ADAMTS16: variants seen among roughly 807,000 people sequenced by gnomAD.
The protein encoded by ADAMTS16 is A disintegrin and metalloproteinase with thrombospondin motifs 16.
A neutral mutation model predicts 145.8 loss-of-function variants in ADAMTS16; 94 were observed. That is an observed-to-expected ratio of 0.64 (90% CI 0.55 to 0.77). ADAMTS16 has a LOEUF of 0.77. Among genes scored for constraint, ADAMTS16 ranks in the 30% least tolerant of loss-of-function variants. The probability of loss-of-function intolerance (pLI) is 0.00; values close to 1 mark genes in which losing one functional copy is unlikely to be tolerated. For missense variants in ADAMTS16, 1,585 were observed against 1,591.5 expected (o/e 1.00, Z 0.07); for synonymous variants, 659 against 604.3 (o/e 1.09, Z -1.33).
intron 18 of ADAMTS16, among the ~76,000 whole-genome samples, chr5:5,289,290 CACT>C (rs1329623907): frequency 1.3e-5 from 2 of 152,232 alleles, no homozygotes; most frequent in Non-Finnish European, 2.9e-5. Context: ...CAAATTCATA[CACT>C]ACATGTAAGG....
chr5:5,302,399 C>G (rs12518998), intron 18 of ADAMTS16, among the ~76,000 whole-genome samples: 1 of 151,908 alleles, frequency 6.6e-6, no homozygotes, highest in Admixed American at 6.6e-5. Flanking sequence ...TGATAACTTA[C>G]GCAATAATCA....
At chr5:5,299,427 G>A (rs1047942342) in intron 18 of ADAMTS16, among the ~76,000 whole-genome samples, 14 of 152,202 alleles carry the variant, frequency 9.2e-5, no homozygotes, top group African/African-American at 3.1e-4. Flanking sequence ...GATGTCGTGT[G>A]TAATGACAAG....
At chr5:5,218,135 T>C (rs1336763870) in intron 10 of ADAMTS16, among the ~76,000 whole-genome samples, 1 of 152,260 alleles carries the variant, frequency 6.6e-6, no homozygotes, top group African/African-American at 2.4e-5. Flanking sequence ...TGGTATGTTA[T>C]GTACCATAAA....
At chr5:5,217,434 C>T (rs1290920691) in intron 10 of ADAMTS16, among the ~76,000 whole-genome samples, 3 of 152,152 alleles carry the variant, frequency 2.0e-5, no homozygotes, top group Non-Finnish European at 4.4e-5. Context: ...TTTTCTAAGC[C>T]AGTGTCTAGA....
rs1423713888 is a variant in ADAMTS16, at chr5:5,209,146, A to G, written c.1505A>G (p.Lys502Arg). 4 of 1,613,954 alleles carry G rather than the reference A, an allele frequency of 2.5e-6. No homozygotes were observed. Among genetic ancestry groups the G allele is most frequent in the Non-Finnish European group, 3.4e-6 (4 of 1,179,932 alleles). The change falls in exon 10 of 23, where the codon AAG becomes AGG. Residue 502 changes from lysine (K) to arginine (R), a missense_variant. Transcript: ENST00000274181. Reference protein sequence around the residue: ...ADQPKPVKEYKYPEKLPGELY... With the variant: ...ADQPKPVKEYRYPEKLPGELY... The stretch of plus-strand genomic sequence containing the variant: ...CAGCCAAAGCCTGTGAAGGAATACA[A>G]GTATCCTGAGAAATTGCCAGGAGAA...
intron 15 of ADAMTS16, among the ~76,000 whole-genome samples, 158 bp from the exon 16 acceptor site, chr5:5,239,523 C>T (rs952765364): frequency 1.3e-5 from 2 of 152,144 alleles, no homozygotes; most frequent in African/African-American, 2.4e-5. Flanking sequence ...AAAAAGCAGC[C>T]GGGTGTAGTT....
At chr5:5,259,158 G>A (rs1380582991) in intron 17 of ADAMTS16, among the ~76,000 whole-genome samples, 1 of 152,200 alleles carries the variant, frequency 6.6e-6, no homozygotes, top group African/African-American at 2.4e-5. Context: ...CTTTCACAGT[G>A]ACTTCCACTC....
At chr5:5,280,353 G>C (rs1738856387) in intron 18 of ADAMTS16, among the ~76,000 whole-genome samples, 1 of 152,214 alleles carries the variant, frequency 6.6e-6, no homozygotes, top group South Asian at 2.1e-4. Flanking sequence ...GAAGGACAAT[G>C]GAGGGGTGTG....
intron 3 of ADAMTS16, among the ~76,000 whole-genome samples, chr5:5,177,043 G>A (rs537076081): frequency 1.3e-5 from 2 of 152,212 alleles, no homozygotes; most frequent in South Asian, 2.1e-4. Context: ...CTTCTCCTTC[G>A]TCCAGCCCTG....
At position 5,146,236 on chromosome 5, in the gene ADAMTS16, T is replaced by G. The variant is rs1734291708; in HGVS notation, c.282T>G (p.Val94=). ...GAAGAGCAGTGCCCGTGTCCGAGGT[T>G]GAGTCTCTTCACCTTCGGCTGAAAG... ...RRRRAVPVSE[V]ESLHLRLKGS... The change falls in exon 3 of 23, where the codon GTT becomes GTG. Residue 94 remains valine, a synonymous_variant. Coordinates refer to ENST00000274181, the MANE Select transcript of ADAMTS16 (RefSeq NM_139056.4). 4 of 1,614,170 alleles carry G rather than the reference T, an allele frequency of 2.5e-6. No individual in the cohort carries two copies. Among genetic ancestry groups the G allele is most frequent in the Non-Finnish European group, 3.4e-6 (4 of 1,180,028 alleles).
chr5:5,200,666 CTCTT>C (rs1735930014), intron 9 of ADAMTS16, among the ~76,000 whole-genome samples: 1 of 152,034 alleles, frequency 6.6e-6, no homozygotes. Context: ...TTTCTTCTTT[CTCTT>C]TATTTTTTCT....
At position 5,210,814 on chromosome 5, in the gene ADAMTS16, G is replaced by A. The variant is rs140284354; in HGVS notation, c.1605+1568G>A. On this transcript the variant is annotated intron_variant, in intron 10 of 22. Transcript: ENST00000274181. ...TGAATATTGTCAAATCTTTCCCTAC[G>A]TCTATTGATATAGTTATATTGTTTC... 3.8e-4 allele frequency among the ~76,000 whole-genome samples: 58 copies of A among 152,184 alleles called. No homozygotes were observed. The East Asian group carries it at 7.3e-3, about 19-fold the overall frequency.
intron 8 of ADAMTS16, among the ~76,000 whole-genome samples, chr5:5,192,864 C>T (rs1735702296): frequency 6.6e-6 from 1 of 152,204 alleles, no homozygotes; most frequent in Non-Finnish European, 1.5e-5. Flanking sequence ...GGCCCATTTC[C>T]TGCCCAAGCA....
intron 10 of ADAMTS16, among the ~76,000 whole-genome samples, chr5:5,216,657 C>T (rs1367430803): frequency 6.8e-6 from 1 of 147,032 alleles, no homozygotes; most frequent in Non-Finnish European, 1.5e-5. Context: ...GCACATTGTG[C>T]AGGTTAGTTA....
At chr5:5,156,686 A>G (rs1214788702) in intron 3 of ADAMTS16, among the ~76,000 whole-genome samples, 1 of 152,182 alleles carries the variant, frequency 6.6e-6, no homozygotes, top group Non-Finnish European at 1.5e-5. Flanking sequence ...TTTCCTCAGT[A>G]GGCTTGGGGG....
intron 16 of ADAMTS16, among the ~76,000 whole-genome samples, chr5:5,240,756 C>A (rs1390692131): frequency 6.6e-6 from 1 of 152,182 alleles, no homozygotes. Flanking sequence ...GCTGCTGCAT[C>A]TCCACAGGTC....
intron 18 of ADAMTS16, among the ~76,000 whole-genome samples, chr5:5,270,494 A>G (rs780918809): frequency 2.6e-5 from 4 of 152,126 alleles, no homozygotes; most frequent in Non-Finnish European, 5.9e-5. Context: ...TGTGATAAAC[A>G]CTCACTAAAT....
chr5:5,166,637 T>G (rs974715779), intron 3 of ADAMTS16, among the ~76,000 whole-genome samples: 1 of 152,132 alleles, frequency 6.6e-6, no homozygotes, highest in African/African-American at 2.4e-5. Context: ...TCCAGAGTGA[T>G]AGTAGCCAGA....
intron 10 of ADAMTS16, among the ~76,000 whole-genome samples, chr5:5,217,614 C>T (rs1172033192): frequency 6.6e-6 from 1 of 152,176 alleles, no homozygotes; most frequent in Non-Finnish European, 1.5e-5. Context: ...GCCCAGCCAT[C>T]TGAAAATGTT....
Sources: allele counts gnomAD v4.1 joint callset (sites outside exome capture counted in the v4.1 genomes callset), GRCh38; gene constraint gnomAD v4.1.1; transcripts MANE v1.5; gene names NCBI Gene and HGNC (gene_info 2026-07-23, HGNC 2026-07-21).